The following NUDT1 variants were observed in gnomAD, a reference collection of about 807,000 sequenced individuals.
NUDT1 encodes the protein nudix hydrolase 1.
In NUDT1, 16 loss-of-function variants were observed where a neutral mutation model predicts 11.3. The observed-to-expected ratio is 1.41, with a 90% CI of 0.96 to 2.15. The LOEUF (loss-of-function observed/expected upper bound fraction) is 2.15, where lower values mean the gene tolerates loss of function less well. Ranked by LOEUF, NUDT1 falls within the 30% of genes most tolerant of loss-of-function variation. NUDT1 has a pLI of 0.00. For synonymous variants in NUDT1, 101 were observed against 84.4 expected (o/e 1.20, Z -1.08); for missense variants, 234 against 208.4 (o/e 1.12, Z -0.76).
chr7:2,245,886 T>C (rs1236021599), intron 2 of NUDT1, among the ~76,000 whole-genome samples: 1 of 151,774 alleles, frequency 6.6e-6, no homozygotes, highest in Non-Finnish European at 1.5e-5. Context: ...CCGGGGTACA[T>C]GGGTCCCAAC....
At chr7:2,242,285 G>A in intron 1 of NUDT1, 29 bp downstream of exon 1, 1 of 1,035,714 alleles carries the variant, frequency 9.7e-7, no homozygotes, top group Non-Finnish European at 1.3e-6. Flanking sequence ...GGGATTCCAG[G>A]AGTCGTGGTG....
intron 2 of NUDT1, among the ~76,000 whole-genome samples, chr7:2,246,129 G>A (rs1005478373): frequency 2.0e-5 from 3 of 152,204 alleles, no homozygotes; most frequent in African/African-American, 7.2e-5. Context: ...GGTGGCCCCG[G>A]GGGTTCTCTG....
chr7:2,244,776 G>A, intron 2 of NUDT1, 50 bp downstream of exon 2: 1 of 1,575,174 alleles, frequency 6.3e-7, no homozygotes. Flanking sequence ...CAGGGCACAG[G>A]GATTCGGGCT....
chr7:2,242,570 G>T, intron 1 of NUDT1: 1 of 346,734 alleles, frequency 2.9e-6, no homozygotes, highest in East Asian at 5.7e-5. Flanking sequence ...ACACGGGCCT[G>T]GTGTGAAACT....
At chr7:2,244,433 G>C in intron 1 of NUDT1, 130 bp from the exon 2 acceptor site, 1 of 897,672 alleles carries the variant, frequency 1.1e-6, no homozygotes, top group South Asian at 1.9e-5. Context: ...CACGTGGCAG[G>C]GCTGGGGAGT....
At chr7:2,244,090 C>G (rs754778374) in intron 1 of NUDT1, among the ~76,000 whole-genome samples, 1 of 152,190 alleles carries the variant, frequency 6.6e-6, no homozygotes, top group Non-Finnish European at 1.5e-5. Flanking sequence ...GAGGCCAGGT[C>G]CCACTAGACT....
chr7:2,250,743 C>T lies in NUDT1; in HGVS notation c.299-86C>T, dbSNP rs1457824730. On this transcript the variant is annotated intron_variant, in intron 3 of 3. Coordinates refer to ENST00000356714, the MANE Select transcript of NUDT1 (RefSeq NM_002452.4). ...AAAGTGCTGGGATTACAGGCGTGAG[C>T]CACCGCGCCCGGCCAAAAAAAACAT... The T allele has an allele frequency of 2.1e-5, 31 of 1,455,680 alleles. No homozygotes were observed. The East Asian group carries it at 3.2e-4, about 15-fold the overall frequency. 90.2% of individuals were successfully genotyped at this position (1,455,680 alleles called of 1,614,324 possible). A position where few individuals can be genotyped will look rare whatever the true frequency, so the allele number is the denominator to read the frequency against.
chr7:2,249,856 G>A lies in NUDT1; in HGVS notation c.153-1G>A. On this transcript the variant is annotated splice_acceptor_variant, in intron 2 of 3. Coordinates refer to ENST00000356714, the MANE Select transcript of NUDT1 (RefSeq NM_002452.4). LOFTEE classifies it high-confidence loss of function. ...CCTCCCCTGCCCACCTCTGCCCGCA[G>A]GGAGCTGCAGGAGGAGAGCGGTCTG... 1 of 1,613,256 alleles carries A rather than the reference G, an allele frequency of 6.2e-7. No individual in the cohort carries two copies. Among genetic ancestry groups the A allele is most frequent in the Non-Finnish European group, 8.5e-7 (1 of 1,180,026 alleles).
intron 3 of NUDT1, 126 bp downstream of exon 3, chr7:2,250,128 C>T: frequency 8.0e-7 from 1 of 1,254,408 alleles, no homozygotes; most frequent in Non-Finnish European, 1.1e-6. Context: ...CCCCTCCACC[C>T]CACAGTGCCA....
Position 2,242,389 on chromosome 7 carries a change from C to T in NUDT1, c.-13+133C>T, listed in dbSNP as rs1002621125. Reference sequence around the variant, plus strand: ...AGCGGGGCCGGGAGCTCGAAGGAGACCAGAAGAGCAGGGTCGGGGGCTCGA... The same window carrying T: ...AGCGGGGCCGGGAGCTCGAAGGAGATCAGAAGAGCAGGGTCGGGGGCTCGA... On this transcript the variant is annotated intron_variant, in intron 1 of 3. Transcript: ENST00000356714. 2.3e-5 allele frequency: 12 copies of T among 517,014 alleles called. 1 individual carries two copies. Among genetic ancestry groups the T allele is most frequent in the Middle Eastern group, 5.0e-4 (1 of 1,984 alleles). The allele number at this position is 517,014 out of a possible 1,614,324, so 32.0% of individuals were successfully genotyped here.
chr7:2,248,413 C>T (rs1029457129), intron 2 of NUDT1, among the ~76,000 whole-genome samples: 6 of 152,154 alleles, frequency 3.9e-5, no homozygotes, highest in Non-Finnish European at 8.8e-5. Flanking sequence ...CACCATAACC[C>T]GAAGTTGGAA....
At chr7:2,244,453 C>CCCCCCCCCCCCCCCCGGCG in intron 1 of NUDT1, 110 bp from the exon 2 acceptor site, 1 of 578,618 alleles carries the variant, frequency 1.7e-6, no homozygotes, top group Non-Finnish European at 2.9e-6. Flanking sequence ...TTACAGCATA[C>CCCCCCCCCCCCCCCCGGCG]CCCCCCGCCC....
In NUDT1 at chr7:2,242,535, A is replaced by G. The variant is rs190449439; in HGVS notation, c.-13+279A>G. Reference sequence around the variant, plus strand: ...CTTTGGAAACCGTGGCTTCTGGCAGAAACAGATCAGTGTCGGGACAAAGTA... The same window carrying G: ...CTTTGGAAACCGTGGCTTCTGGCAGGAACAGATCAGTGTCGGGACAAAGTA... On this transcript the variant is annotated intron_variant, in intron 1 of 3. Transcript: ENST00000356714. The G allele has an allele frequency of 8.3e-4, 320 of 386,970 alleles. 2 individuals are homozygous for G. The highest frequency in any genetic ancestry group is 6.3e-3 in the African/African-American group (299 of 47,434). The allele number at this position is 386,970 out of a possible 1,614,324, so 24.0% of individuals were successfully genotyped here.
chr7:2,248,663 C>T (rs1030025559), intron 2 of NUDT1, among the ~76,000 whole-genome samples: 4 of 151,610 alleles, frequency 2.6e-5, no homozygotes, highest in African/African-American at 4.8e-5. Flanking sequence ...GCATTCCTCC[C>T]ATCTCAGTCT....
chr7:2,243,024 G>A, intron 1 of NUDT1: 1 of 717,260 alleles, frequency 1.4e-6, no homozygotes, highest in South Asian at 1.5e-5. Context: ...AGATGGGGGA[G>A]CCAGAAGGCA....
In NUDT1 at chr7:2,251,110, A is replaced by T. The variant is rs1012398374; in HGVS notation, c.*109A>T. 2.7e-6 allele frequency: 3 copies of T among 1,131,748 alleles called. No homozygotes were observed. The African/African-American group carries it at 4.6e-5, about 17-fold the overall frequency. The allele number at this position is 1,131,748 out of a possible 1,614,324, so 70.1% of individuals were successfully genotyped here. A position where few individuals can be genotyped will look rare whatever the true frequency, so the allele number is the denominator to read the frequency against. On this transcript the variant is annotated 3_prime_UTR_variant, in exon 4 of 4. Transcript: ENST00000356714. ...CAGAGCCGGGTTTCATCTGGAATTA[A>T]CTGGATGGAAGGGAAAATAAAGCTA...
At chr7:2,242,339 G>A (rs1375659662) in intron 1 of NUDT1, 83 bp downstream of exon 1, 5 of 612,654 alleles carry the variant, frequency 8.2e-6, no homozygotes, top group South Asian at 2.1e-5. Flanking sequence ...GAGACTAGGG[G>A]AGCTGAGCCA....
chr7:2,242,675 C>G, intron 1 of NUDT1: 1 of 390,020 alleles, frequency 2.6e-6, no homozygotes, highest in East Asian at 4.6e-5. Context: ...CCTCGAAGGG[C>G]GTGCGATGAG....
chr7:2,244,871 A>C (rs1794711119), intron 2 of NUDT1, 145 bp downstream of exon 2: 1 of 944,816 alleles, frequency 1.1e-6, no homozygotes, highest in Non-Finnish European at 1.6e-6. Context: ...TCTTCATCTC[A>C]GAATGAAGAA....
Sources: gnomAD v4.1 joint callset for allele counts (sites outside exome capture counted in the v4.1 genomes callset) on GRCh38, gnomAD v4.1.1 for gene constraint, MANE v1.5 for transcripts, NCBI Gene and HGNC (gene_info 2026-07-23, HGNC 2026-07-21) for gene names.